Variants in FOXO1 observed in about 807,000 individuals in gnomAD.
The protein encoded by FOXO1 is forkhead box protein O1.
FOXO1 carries 6 observed loss-of-function variants against 44.1 expected under a neutral mutation model. The ratio of observed to expected loss-of-function variants is 0.14; its 90% confidence interval spans 0.07 to 0.27. FOXO1 has a LOEUF of 0.27. Ranked by LOEUF, FOXO1 falls within the 10% of genes least tolerant of loss-of-function variation. FOXO1 has a pLI of 1.00. For synonymous variants in FOXO1, 380 were observed against 362.7 expected, an observed-to-expected ratio of 1.05 and a Z score of -0.54; for missense variants, 737 against 888.8, an observed-to-expected ratio of 0.83 and a Z score of 2.17.
intron 1 of FOXO1, among the ~76,000 whole-genome samples, chr13:40,643,362 AAG>A (rs1269704475): frequency 6.6e-6 from 1 of 151,814 alleles, no homozygotes; most frequent in Non-Finnish European, 1.5e-5. Context: ...AAAAAAAAAA[AAG>A]AAAAGAAGAT....
chr13:40,575,772 C>T (rs1169480186), intron 1 of FOXO1, among the ~76,000 whole-genome samples: 9 of 152,170 alleles, frequency 5.9e-5, no homozygotes, highest in Non-Finnish European at 1.2e-4. Flanking sequence ...TGGTCTTACA[C>T]ATATGTACGG....
chr13:40,615,398 G>T lies in FOXO1; in HGVS notation c.630+50185C>A, dbSNP rs1008907692. Among the ~76,000 whole-genome samples, 4 of 152,128 alleles carry T rather than the reference G, an allele frequency of 2.6e-5. No individual in the cohort carries two copies. In the South Asian group the frequency reaches 8.3e-4, roughly 32 times the overall value. ...CTAAAAATACAATTTAACCGGGCAT[G>T]GGGGTGCGCGCCTATAATCCCAGCT... On this transcript the variant is annotated intron_variant, in intron 1 of 2. Transcript: ENST00000379561.
intron 1 of FOXO1, among the ~76,000 whole-genome samples, chr13:40,615,921 G>A (rs1269322243): frequency 6.6e-6 from 1 of 152,222 alleles, no homozygotes; most frequent in African/African-American, 2.4e-5. Context: ...GCCAGGGCAA[G>A]TTTGGAGCAG....
At chr13:40,643,599 G>A (rs1877422310) in intron 1 of FOXO1, among the ~76,000 whole-genome samples, 1 of 152,050 alleles carries the variant, frequency 6.6e-6, no homozygotes, top group South Asian at 2.1e-4. Context: ...GTCTGCCAGA[G>A]CACCCTTATC....
At chr13:40,610,000 T>G (rs141865463) in intron 1 of FOXO1, among the ~76,000 whole-genome samples, 3 of 152,294 alleles carry the variant, frequency 2.0e-5, no homozygotes, top group Non-Finnish European at 4.4e-5. Context: ...TAAATATTAT[T>G]TAATGTATTG....
chr13:40,635,554 G>A (rs936642375), intron 1 of FOXO1, among the ~76,000 whole-genome samples: 1 of 152,142 alleles, frequency 6.6e-6, no homozygotes, highest in Non-Finnish European at 1.5e-5. Context: ...TAATCTGCTT[G>A]TCAAACAAAT....
chr13:40,631,991 G>A (rs1158339592), intron 1 of FOXO1, among the ~76,000 whole-genome samples: 1 of 152,200 alleles, frequency 6.6e-6, no homozygotes, highest in African/African-American at 2.4e-5. Flanking sequence ...AAAAAACCCA[G>A]CAGGGCATGG....
intron 1 of FOXO1, chr13:40,620,517 G>C (rs536929972): frequency 2.1e-6 from 1 of 476,808 alleles, no homozygotes; most frequent in African/African-American, 2.0e-5. Flanking sequence ...TCTAAGGGAG[G>C]GTTCAACCAC....
At chr13:40,615,840 GGCTCGGCTGTAATAAAGA>G (rs1419462257) in intron 1 of FOXO1, among the ~76,000 whole-genome samples, 23 of 152,300 alleles carry the variant, frequency 1.5e-4, no homozygotes, top group African/African-American at 5.3e-4. Context: ...ACGTCAGGAG[GGCTCGGCTGTAATAAAGA>G]GCCTTGCAGT....
intron 1 of FOXO1, chr13:40,619,497 T>C: frequency 1.5e-6 from 2 of 1,326,044 alleles, no homozygotes; most frequent in Admixed American, 1.7e-5. Context: ...TTCGGTTTAG[T>C]TTGGAAATCC....
intron 1 of FOXO1, chr13:40,619,463 G>A (rs578155497): frequency 8.0e-6 from 10 of 1,257,402 alleles, no homozygotes; most frequent in Admixed American, 1.7e-5. Context: ...GCTGTGAGTC[G>A]AACAAACTCG....
chr13:40,657,644 T>C (rs1019769349), intron 1 of FOXO1, among the ~76,000 whole-genome samples: 2 of 152,186 alleles, frequency 1.3e-5, no homozygotes, highest in African/African-American at 4.8e-5. Flanking sequence ...CAATCTCCCA[T>C]TTTCAAAGCC....
chr13:40,603,184 A>G (rs1875871515), intron 1 of FOXO1, among the ~76,000 whole-genome samples: 1 of 152,114 alleles, frequency 6.6e-6, no homozygotes, highest in East Asian at 1.9e-4. Flanking sequence ...CTTAAGATAA[A>G]TCTTATTTTA....
intron 1 of FOXO1, among the ~76,000 whole-genome samples, chr13:40,664,101 G>A (rs978547137): frequency 6.6e-6 from 1 of 152,050 alleles, no homozygotes; most frequent in Non-Finnish European, 1.5e-5. Context: ...GGTGAAACCC[G>A]GTCTCTACTA....
At chr13:40,615,560 C>T (rs1876394241) in intron 1 of FOXO1, among the ~76,000 whole-genome samples, 2 of 150,884 alleles carry the variant, frequency 1.3e-5, no homozygotes, top group South Asian at 2.1e-4. Context: ...TACATACATA[C>T]ATACATACAT....
chr13:40,654,249 G>A (rs1156712908), intron 1 of FOXO1, among the ~76,000 whole-genome samples: 1 of 148,398 alleles, frequency 6.7e-6, no homozygotes, highest in East Asian at 2.0e-4. Context: ...AGGCTGAGGT[G>A]GGCAGGTCAC....
At chr13:40,584,469 C>CAAAAAAAAAAAAAAAAAAAAAAA (rs55733141) in intron 1 of FOXO1, among the ~76,000 whole-genome samples, 2 of 63,130 alleles carry the variant, frequency 3.2e-5, no homozygotes, top group Non-Finnish European at 5.3e-5. Flanking sequence ...ACAAAAAATG[C>CAAAAAAAAAAAAAAAAAAAAAAA]AAAAAAAAAA....
At chr13:40,643,645 G>A (rs1281175304) in intron 1 of FOXO1, among the ~76,000 whole-genome samples, 1 of 152,078 alleles carries the variant, frequency 6.6e-6, no homozygotes, top group Admixed American at 6.5e-5. Flanking sequence ...TGCTAGGAAA[G>A]ATAGGTCTAA....
intron 1 of FOXO1, among the ~76,000 whole-genome samples, chr13:40,611,280 G>C (rs1876218684): frequency 6.6e-6 from 1 of 152,166 alleles, no homozygotes; most frequent in African/African-American, 2.4e-5. Flanking sequence ...CCAAAACTGT[G>C]CTAGAGTGCT....
Sources: allele counts gnomAD v4.1 joint callset (sites outside exome capture counted in the v4.1 genomes callset), GRCh38; gene constraint gnomAD v4.1.1; transcripts MANE v1.5; gene names NCBI Gene and HGNC (gene_info 2026-07-23, HGNC 2026-07-21).